Variants in VPS13B observed in about 807,000 individuals in gnomAD.
VPS13B encodes the protein vacuolar protein sorting 13 homolog B, also known as intermembrane lipid transfer protein VPS13B.
In VPS13B, 285 loss-of-function variants were observed where a neutral mutation model predicts 426.4. The ratio of observed to expected loss-of-function variants is 0.67; its 90% CI spans 0.61 to 0.74. The LOEUF (loss-of-function observed/expected upper bound fraction) is 0.74, where lower values mean the gene tolerates loss of function less well. VPS13B is among the 30% of genes least tolerant of loss of function. VPS13B has a pLI of 0.00. For synonymous variants in VPS13B, 1,676 were observed against 1,676.4 expected, an observed-to-expected ratio of 1.00 and a Z score of 0.01; for missense variants, 4,537 against 4,782.6, an observed-to-expected ratio of 0.95 and a Z score of 1.51.
Position 99,121,419 on chromosome 8 carries a change from TG to T in VPS13B, c.1181del (p.Cys394SerfsTer6). On this transcript the variant is annotated frameshift_variant, in exon 8 of 62. Transcript: ENST00000357162. LOFTEE classifies it high-confidence loss of function. ...TCCTATTGTTTCTATAGGATTTTAT[TG>T]CACAAAGGCAACGGTGACTTTCAAA... is the stretch of plus-strand genomic sequence containing the variant. Reference protein sequence around the residue: ...KDPIVSIGFYCTKATVTFKLT... With the variant: ...KDPIVSIGFYXTKATVTFKLT... The T allele has an allele frequency of 6.2e-7, 1 of 1,614,228 alleles. No homozygotes were observed. The highest frequency in any genetic ancestry group is 8.5e-7 in the Non-Finnish European group (1 of 1,180,032).
At chr8:99,458,331 G>T (rs989835317) in intron 23 of VPS13B, among the ~76,000 whole-genome samples, 1 of 152,190 alleles carries the variant, frequency 6.6e-6, no homozygotes, top group Admixed American at 6.5e-5. Flanking sequence ...TGGACATTTC[G>T]TTTGGTTCCA....
At chr8:99,857,213 C>T (rs1198262981) in intron 56 of VPS13B, among the ~76,000 whole-genome samples, 3 of 152,130 alleles carry the variant, frequency 2.0e-5, no homozygotes, top group Non-Finnish European at 2.9e-5. Flanking sequence ...TCCAACCCCA[C>T]GACAGGGGAG....
chr8:99,073,209 C>G (rs1366443545), intron 3 of VPS13B, among the ~76,000 whole-genome samples: 2 of 152,128 alleles, frequency 1.3e-5, no homozygotes, highest in Non-Finnish European at 2.9e-5. Flanking sequence ...TTTGGCTATT[C>G]AGAGTCTTTT....
At chr8:99,869,760 A>T (rs770449155) in intron 59 of VPS13B, among the ~76,000 whole-genome samples, 15 of 152,348 alleles carry the variant, frequency 9.8e-5, no homozygotes, top group Admixed American at 6.5e-4. Flanking sequence ...AGAGCTTCAC[A>T]TGGCCGTTTT....
At chr8:99,592,558 A>T (rs1826747497) in intron 33 of VPS13B, among the ~76,000 whole-genome samples, 2 of 151,814 alleles carry the variant, frequency 1.3e-5, no homozygotes, top group Non-Finnish European at 2.9e-5. Flanking sequence ...GTTAGAAAAA[A>T]ACTTTTTAAA....
chr8:99,208,264 T>C (rs1269589207), intron 17 of VPS13B, among the ~76,000 whole-genome samples: 2 of 152,058 alleles, frequency 1.3e-5, no homozygotes, highest in East Asian at 3.9e-4. Context: ...CCCAAACACC[T>C]CCTACCAGGC....
chr8:99,668,661 C>T (rs1830582088), intron 35 of VPS13B, among the ~76,000 whole-genome samples: 1 of 152,106 alleles, frequency 6.6e-6, no homozygotes, highest in Non-Finnish European at 1.5e-5. Context: ...TCAAAGCTCT[C>T]CCAACCCCCC....
chr8:99,260,577 T>G lies in VPS13B; in HGVS notation c.2516-13621T>G, dbSNP rs565897021. On this transcript the variant is annotated intron_variant, in intron 17 of 61. Coordinates refer to ENST00000357162, the MANE Select transcript of VPS13B (RefSeq NM_152564.5). ...ATTTCTTCTTGAACATATATTATAT[T>G]TGAGGCATTGTATTAACCTATTTGC... Among the ~76,000 whole-genome samples the G allele has an allele frequency of 3.9e-5, 6 of 152,198 alleles. No homozygotes were observed. In the East Asian group the frequency reaches 9.7e-4, roughly 25 times the overall value.
intron 40 of VPS13B, among the ~76,000 whole-genome samples, chr8:99,771,518 G>A (rs1676020732): frequency 6.6e-6 from 1 of 152,146 alleles, no homozygotes; most frequent in Admixed American, 6.6e-5. Context: ...TCATATTTGG[G>A]AATCTTTGAG....
intron 33 of VPS13B, among the ~76,000 whole-genome samples, chr8:99,605,822 A>G (rs766873539): frequency 2.0e-5 from 3 of 152,310 alleles, no homozygotes; most frequent in Non-Finnish European, 4.4e-5. Flanking sequence ...TAATTACAAA[A>G]TTAGGTTCAG....
intron 3 of VPS13B, among the ~76,000 whole-genome samples, chr8:99,053,485 T>C (rs1056674181): frequency 6.6e-6 from 1 of 152,120 alleles, no homozygotes; most frequent in East Asian, 1.9e-4. Context: ...TCATTTTTTA[T>C]GGCTGCATGG....
At chr8:99,824,943 T>A (rs2130831949) in intron 51 of VPS13B, among the ~76,000 whole-genome samples, 1 of 152,392 alleles carries the variant, frequency 6.6e-6, no homozygotes, top group African/African-American at 2.4e-5. Context: ...TTCTATGCTG[T>A]ATATGTGCCA....
chr8:99,630,828 T>G (rs1235956020), intron 33 of VPS13B, among the ~76,000 whole-genome samples: 1 of 152,082 alleles, frequency 6.6e-6, no homozygotes, highest in African/African-American at 2.4e-5. Flanking sequence ...GTGAAAGAAA[T>G]TAACTAAGGA....
chr8:99,763,963 C>T (rs775752050), intron 39 of VPS13B, among the ~76,000 whole-genome samples: 1 of 152,108 alleles, frequency 6.6e-6, no homozygotes, highest in African/African-American at 2.4e-5. Context: ...GTGGAGGTAA[C>T]GTTTATTTCA....
chr8:99,650,451 ATATATATGTAT>A (rs1457045521), intron 34 of VPS13B, among the ~76,000 whole-genome samples: 9 of 152,188 alleles, frequency 5.9e-5, no homozygotes, highest in Admixed American at 5.9e-4. Flanking sequence ...CAATTTTAAA[ATATATATGTAT>A]AGTTAAATAT....
chr8:99,429,196 G>A (rs1481809873), intron 21 of VPS13B, among the ~76,000 whole-genome samples: 7 of 151,710 alleles, frequency 4.6e-5, no homozygotes, highest in African/African-American at 1.2e-4. Context: ...AGAGTTAATG[G>A]GTGCAGCCCA....
chr8:99,208,704 A>T (rs781082401), intron 17 of VPS13B, among the ~76,000 whole-genome samples: 40 of 152,234 alleles, frequency 2.6e-4, no homozygotes, highest in Non-Finnish European at 5.3e-4. Flanking sequence ...TGAAATCATG[A>T]TAAAAGTCTT....
At chr8:99,527,678 C>T (rs894459297) in intron 30 of VPS13B, 11 of 152,018 alleles carry the variant, frequency 7.2e-5, no homozygotes, top group African/African-American at 2.7e-4. Flanking sequence ...AAGCAAGAAA[C>T]AGTTAAGTAA....
chr8:99,626,880 C>A (rs1828636956), intron 33 of VPS13B, among the ~76,000 whole-genome samples: 1 of 152,256 alleles, frequency 6.6e-6, no homozygotes, highest in East Asian at 1.9e-4. Context: ...AAGTGTTTAT[C>A]AACAGATGAA....
Sources: gnomAD v4.1 joint callset for allele counts (sites outside exome capture counted in the v4.1 genomes callset) on GRCh38, gnomAD v4.1.1 for gene constraint, MANE v1.5 for transcripts, NCBI Gene and HGNC (gene_info 2026-07-23, HGNC 2026-07-21) for gene names.